PIK3R6: variants seen among roughly 807,000 people sequenced by gnomAD.
The protein encoded by PIK3R6 is phosphoinositide 3-kinase regulatory subunit 6.
In PIK3R6, 91 loss-of-function variants were observed where a neutral mutation model predicts 84.9. The observed-to-expected ratio is 1.07, with a 90% CI of 0.90 to 1.28. The LOEUF (loss-of-function observed/expected upper bound fraction) is 1.28. PIK3R6 is among the 50% of genes most tolerant of loss of function. The pLI is 0.00. For synonymous variants in PIK3R6, 416 were observed against 411.4 expected (o/e 1.01, Z -0.13); for missense variants, 996 against 985.1 (o/e 1.01, Z -0.15).
rs1444331815 is a variant in PIK3R6, at chr17:8,832,892, C to A, written c.799G>T (p.Gly267Cys). The A allele has an allele frequency of 1.9e-6, 3 of 1,612,592 alleles. No homozygotes were observed. The highest frequency in any genetic ancestry group is 2.5e-6 in the Non-Finnish European group (3 of 1,179,702). The change falls in exon 9 of 20, where the codon GGT (glycine) becomes TGT (cysteine). Residue 267 changes from glycine (G) to cysteine (C), a missense_variant. Coordinates refer to ENST00000619866, the MANE Select transcript of PIK3R6 (RefSeq NM_001010855.4). ...CCCCCATCTGCCAGTCGCTTACCAC[C>A]GCAGCGCCCCGCCGCGGGACCCAGC... ...SLLGPAAGRC[G>C]GDLVQERPPS... is the part of the protein sequence containing the mutation.
chr17:8,826,383 C>G (rs1453024852), intron 13 of PIK3R6, among the ~76,000 whole-genome samples: 1 of 152,098 alleles, frequency 6.6e-6, no homozygotes, highest in Non-Finnish European at 1.5e-5. Flanking sequence ...AGCCCAAATG[C>G]CCATCAATGA....
intron 17 of PIK3R6, 146 bp from the exon 18 acceptor site, chr17:8,819,344 T>G: frequency 1.8e-6 from 1 of 548,032 alleles, no homozygotes; most frequent in African/African-American, 1.9e-5. Context: ...ATCTGCTTGG[T>G]CCCAGCCAAG....
chr17:8,823,522 T>C, intron 13 of PIK3R6, 25 bp from the exon 14 acceptor site: 1 of 1,494,736 alleles, frequency 6.7e-7, no homozygotes, highest in Non-Finnish European at 9.3e-7. Context: ...GGGAATGTCT[T>C]CACCAACTCC....
At chr17:8,822,532 G>A in intron 16 of PIK3R6, 55 bp downstream of exon 16, 1 of 1,575,172 alleles carries the variant, frequency 6.3e-7, no homozygotes, top group Non-Finnish European at 8.7e-7. Context: ...CCAGAGGCCT[G>A]CTCCCTCCAG....
chr17:8,836,592 A>G lies in PIK3R6; in HGVS notation c.416T>C (p.Ile139Thr), dbSNP rs2088475384. 1 of 1,613,978 alleles carries G rather than the reference A, an allele frequency of 6.2e-7. No homozygotes were observed. Among genetic ancestry groups the G allele is most frequent in the Non-Finnish European group, 8.5e-7 (1 of 1,179,884 alleles). Reference sequence around the variant, plus strand: ...CTCATTCGTCAAGTTCTGTTCGGCAATGACCATCCTTTGGTACAGTGTCCC... The same window carrying G: ...CTCATTCGTCAAGTTCTGTTCGGCAGTGACCATCCTTTGGTACAGTGTCCC... ...VPGTLYQRMV[I>T]AEQNLTNELY... Residue 139 changes from isoleucine to threonine, a missense_variant, in exon 7 of 20, where the codon ATT becomes ACT. Transcript: ENST00000619866.
chr17:8,845,383 G>A (rs2088792225), intron 2 of PIK3R6, among the ~76,000 whole-genome samples: 1 of 152,092 alleles, frequency 6.6e-6, no homozygotes, highest in South Asian at 2.1e-4. Context: ...GTGTGAGATG[G>A]TTTTGATTTG....
rs113366582 is a variant in PIK3R6, at chr17:8,848,544, A to C, written c.13+1238T>G. Among the ~76,000 whole-genome samples, 203 of 151,708 alleles carry C rather than the reference A, an allele frequency of 1.3e-3. 1 individual carries two copies. The East Asian group carries it at 0.029, about 21-fold the overall frequency. On this transcript the variant is annotated intron_variant, in intron 2 of 19. Transcript: ENST00000619866. ...ACTGAGTACTGTAGGCAGTTGTCACACAATGGTATCTGTGTGTCTAAACAT... is the reference window on the plus strand; with the variant it reads ...ACTGAGTACTGTAGGCAGTTGTCACCCAATGGTATCTGTGTGTCTAAACAT...
chr17:8,864,131 C>G (rs116411870), intron 1 of PIK3R6, among the ~76,000 whole-genome samples: 9 of 152,270 alleles, frequency 5.9e-5, no homozygotes, highest in African/African-American at 2.2e-4. Flanking sequence ...TAGCAAACAG[C>G]CTTGGAAGAT....
chr17:8,833,705 C>A (rs113089478), intron 8 of PIK3R6, among the ~76,000 whole-genome samples: 8 of 151,912 alleles, frequency 5.3e-5, no homozygotes, highest in African/African-American at 1.9e-4. Context: ...CCACATCCAG[C>A]CAATTTTTGT....
chr17:8,859,840 C>T (rs1216977904), intron 1 of PIK3R6, among the ~76,000 whole-genome samples: 2 of 152,266 alleles, frequency 1.3e-5, no homozygotes, highest in East Asian at 1.9e-4. Context: ...TTACAGACCA[C>T]GGATTACAGA....
intron 5 of PIK3R6, 130 bp from the exon 6 acceptor site, chr17:8,837,053 A>G: frequency 2.9e-6 from 2 of 695,858 alleles, no homozygotes; most frequent in Admixed American, 2.3e-5. Context: ...CAGGCCTAAC[A>G]GCCAGACCTG....
chr17:8,831,145 CAAAAAAAAAAAAAAA>C (rs35954175), intron 9 of PIK3R6, among the ~76,000 whole-genome samples: 6 of 42,020 alleles, frequency 1.4e-4, no homozygotes, highest in Non-Finnish European at 2.1e-4. Flanking sequence ...GATTGTGTCT[CAAAAAAAAAAAAAAA>C]AAAAAAAAGA....
At chr17:8,828,040 G>A (rs1199347497) in intron 12 of PIK3R6, 72 bp downstream of exon 12, 15 of 1,471,284 alleles carry the variant, frequency 1.0e-5, no homozygotes, top group Non-Finnish European at 1.3e-5. Flanking sequence ...TGGGGGATGC[G>A]GGGCTGCAGG....
rs1884591568 is a variant in PIK3R6, at chr17:8,803,602, C to G, written c.2109-173G>C. 3 of 654,478 alleles carry G rather than the reference C, an allele frequency of 4.6e-6. No homozygotes were observed. Among genetic ancestry groups the G allele is most frequent in the Non-Finnish European group, 7.5e-6 (3 of 401,156 alleles). 40.5% of individuals were successfully genotyped at this position (654,478 alleles called of 1,614,324 possible). ...CAGGACAAGAAAGAAAAACCTGGGC[C>G]TGGGGTTCACCGGGAGAGGAGACAC... On this transcript the variant is annotated intron_variant, in intron 19 of 19. Transcript: ENST00000619866. The surrounding 1 kb of genome is among the most constrained non-coding windows in gnomAD (Gnocchi z 5.0).
intron 18 of PIK3R6, among the ~76,000 whole-genome samples, chr17:8,807,616 G>T (rs897800372): frequency 6.6e-6 from 1 of 152,148 alleles, no homozygotes; most frequent in African/African-American, 2.4e-5. Context: ...AGGTGGAAGG[G>T]AGGAATGAGG....
In PIK3R6 at chr17:8,867,453, G is replaced by T. The variant is rs553715255; in HGVS notation, c.-92+76C>A. On this transcript the variant is annotated intron_variant, in intron 1 of 19. Transcript: ENST00000619866. ...GCCCCCCCAGGGGCTCCCCTTCCAG[G>T]TCCCTCCGTTCCACCCCTCTATCTG... is the stretch of plus-strand genomic sequence containing the variant. 5 of 218,996 alleles carry T rather than the reference G, an allele frequency of 2.3e-5. No homozygotes were observed. In the South Asian group the frequency reaches 3.1e-4, roughly 14 times the overall value. The allele number at this position is 218,996 out of a possible 1,614,324, so 13.6% of individuals were successfully genotyped here.
chr17:8,854,287 T>G (rs1285646165), intron 1 of PIK3R6, among the ~76,000 whole-genome samples: 1 of 152,100 alleles, frequency 6.6e-6, no homozygotes, highest in Non-Finnish European at 1.5e-5. Flanking sequence ...TAGCTGGGAC[T>G]ACAGGCACAC....
intron 4 of PIK3R6, 169 bp downstream of exon 4, chr17:8,838,395 G>A (rs889135309): frequency 1.0e-5 from 6 of 576,138 alleles, no homozygotes; most frequent in Admixed American, 6.4e-5. Flanking sequence ...GAGAGTCGAC[G>A]TAAAGAAAAT....
chr17:8,840,021 CATGT>C (rs2088618611), intron 2 of PIK3R6, among the ~76,000 whole-genome samples: 2 of 151,990 alleles, frequency 1.3e-5, no homozygotes, highest in African/African-American at 4.8e-5. Flanking sequence ...TTAGAAAATA[CATGT>C]ATGTATTTTC....
Sources: allele counts gnomAD v4.1 joint callset (sites outside exome capture counted in the v4.1 genomes callset), GRCh38; gene constraint gnomAD v4.1.1; non-coding constraint Gnocchi (gnomAD v3.1); transcripts MANE v1.5; gene names NCBI Gene and HGNC (gene_info 2026-07-23, HGNC 2026-07-21).